Variants in PRORP observed in about 807,000 individuals in gnomAD.
The protein encoded by PRORP is mitochondrial ribonuclease P catalytic subunit.
In PRORP, 51 loss-of-function variants were observed where a neutral mutation model predicts 59.4. The ratio of observed to expected loss-of-function variants is 0.86; its 90% CI spans 0.69 to 1.08. PRORP has a LOEUF of 1.08. PRORP is among the 50% of genes least tolerant of loss of function. The pLI is 0.00. For synonymous variants in PRORP, 231 were observed against 245.6 expected (o/e 0.94, Z 0.55); for missense variants, 646 against 690.3 (o/e 0.94, Z 0.72).
At chr14:35,140,524 A>G (rs569176923) in intron 4 of PRORP, among the ~76,000 whole-genome samples, 31 of 145,656 alleles carry the variant, frequency 2.1e-4, no homozygotes, top group African/African-American at 7.1e-4. Context: ...TTTTTTGCCT[A>G]TTTTAAAAAT....
chr14:35,124,871 CTTT>C (rs576855221), intron 2 of PRORP, among the ~76,000 whole-genome samples: 3 of 139,374 alleles, frequency 2.2e-5, no homozygotes, highest in African/African-American at 2.6e-5. Flanking sequence ...TACTCTCTCC[CTTT>C]TTTTTTTTTT....
intron 5 of PRORP, among the ~76,000 whole-genome samples, chr14:35,190,866 A>G (rs745870094): frequency 8.5e-5 from 13 of 152,202 alleles, no homozygotes; most frequent in Non-Finnish European, 1.9e-4. Context: ...TTTATATAGC[A>G]CTTGAACCAA....
Position 35,215,951 on chromosome 14 carries a change from G to C in PRORP, c.1275+35174G>C, listed in dbSNP as rs1438016044. Reference sequence around the variant, plus strand: ...CTGGCTAATTTTTGTATTTTTAGTAGAGACCGGGTTTCACCACGTTGGCCA... The same window carrying C: ...CTGGCTAATTTTTGTATTTTTAGTACAGACCGGGTTTCACCACGTTGGCCA... On this transcript the variant is annotated intron_variant, in intron 5 of 7. Coordinates refer to ENST00000534898, the MANE Select transcript of PRORP (RefSeq NM_014672.4). Among the ~76,000 whole-genome samples the C allele has an allele frequency of 2.6e-5, 4 of 151,748 alleles. No homozygotes were observed. The South Asian group carries it at 6.2e-4, about 24-fold the overall frequency.
intron 4 of PRORP, among the ~76,000 whole-genome samples, chr14:35,170,006 T>C (rs35067787): frequency 6.6e-6 from 1 of 152,232 alleles, no homozygotes; most frequent in East Asian, 1.9e-4. Flanking sequence ...AGCTCTATTG[T>C]TATTTATGAT....
At chr14:35,226,140 T>A (rs959030549) in intron 5 of PRORP, among the ~76,000 whole-genome samples, 4 of 152,232 alleles carry the variant, frequency 2.6e-5, no homozygotes, top group South Asian at 2.1e-4. Context: ...TGTGCCATGA[T>A]GTTTCTCAAA....
chr14:35,214,475 AG>A (rs951636919), intron 5 of PRORP, among the ~76,000 whole-genome samples: 2 of 152,226 alleles, frequency 1.3e-5, no homozygotes, highest in African/African-American at 4.8e-5. Context: ...ATGTATTATT[AG>A]TAGACAAATG....
At chr14:35,192,901 G>A (rs2048917983) in intron 5 of PRORP, among the ~76,000 whole-genome samples, 1 of 151,846 alleles carries the variant, frequency 6.6e-6, no homozygotes, top group Non-Finnish European at 1.5e-5. Context: ...GACTGAGGCA[G>A]GAGAATCGCT....
chr14:35,145,462 C>A (rs1417686731), intron 4 of PRORP, among the ~76,000 whole-genome samples: 1 of 143,282 alleles, frequency 7.0e-6, no homozygotes, highest in Non-Finnish European at 1.5e-5. Flanking sequence ...TGGCTCACGC[C>A]TGTAATCTCA....
chr14:35,259,043 A>G (rs938342513), intron 5 of PRORP, among the ~76,000 whole-genome samples: 1 of 152,188 alleles, frequency 6.6e-6, no homozygotes, highest in Non-Finnish European at 1.5e-5. Flanking sequence ...TTGTTGAGAG[A>G]GGAGTGTTGA....
chr14:35,221,296 A>G lies in PRORP; in HGVS notation c.1275+40519A>G, dbSNP rs144173726. Among the ~76,000 whole-genome samples, 115 of 152,354 alleles carry G rather than the reference A, an allele frequency of 7.5e-4. 1 individual carries two copies. The East Asian group carries it at 0.016, about 22-fold the overall frequency. On this transcript the variant is annotated intron_variant, in intron 5 of 7. Transcript: ENST00000534898. ...TTAATGCATTGTTTATTAAAATCAT[A>G]ATTGATGCAAAAAAATCCATGATGA... is the stretch of plus-strand genomic sequence containing the variant.
At chr14:35,225,679 T>G (rs897870190) in intron 5 of PRORP, among the ~76,000 whole-genome samples, 3 of 152,106 alleles carry the variant, frequency 2.0e-5, no homozygotes, top group Non-Finnish European at 4.4e-5. Flanking sequence ...GTTTATGCTT[T>G]CTTTTTTGGT....
intron 5 of PRORP, among the ~76,000 whole-genome samples, chr14:35,250,117 G>A (rs770823426): frequency 2.6e-5 from 4 of 151,792 alleles, no homozygotes; most frequent in Admixed American, 1.3e-4. Context: ...GCATGGTGGC[G>A]CATGCCTGTG....
intron 6 of PRORP, 56 bp downstream of exon 6, chr14:35,266,931 GT>G: frequency 6.4e-7 from 1 of 1,567,472 alleles, no homozygotes. Context: ...CTATCTGCTT[GT>G]TAGTTACCTA....
intron 5 of PRORP, among the ~76,000 whole-genome samples, chr14:35,254,503 C>T (rs1259977585): frequency 2.6e-5 from 4 of 152,202 alleles, no homozygotes; most frequent in Admixed American, 2.6e-4. Context: ...AGCGATTCTC[C>T]TGCCTCAGCC....
In PRORP at chr14:35,198,959, G is replaced by A. The variant is rs187833006; in HGVS notation, c.1275+18182G>A. On this transcript the variant is annotated intron_variant, in intron 5 of 7. Coordinates refer to ENST00000534898, the MANE Select transcript of PRORP (RefSeq NM_014672.4). ...AGGCAGGTGGATCACCTGATGTCAG[G>A]AGTTTGAGACCAGCCTGACCAACAT... 2.0e-5 allele frequency among the ~76,000 whole-genome samples: 3 copies of A among 152,348 alleles called. No homozygotes were observed. In the East Asian group the frequency reaches 5.8e-4, roughly 29 times the overall value.
At chr14:35,251,131 A>G (rs2050602310) in intron 5 of PRORP, among the ~76,000 whole-genome samples, 1 of 152,186 alleles carries the variant, frequency 6.6e-6, no homozygotes, top group African/African-American at 2.4e-5. Flanking sequence ...TTGGTTTTCC[A>G]TTCCTGAGTT....
chr14:35,142,123 T>C (rs561513942), intron 4 of PRORP, among the ~76,000 whole-genome samples: 1 of 143,880 alleles, frequency 7.0e-6, no homozygotes, highest in African/African-American at 2.4e-5. Context: ...AGCTGATCCA[T>C]CCGCCTCGGC....
chr14:35,256,298 A>AG (rs1171784448), intron 5 of PRORP, among the ~76,000 whole-genome samples: 1 of 147,586 alleles, frequency 6.8e-6, no homozygotes, highest in African/African-American at 2.5e-5. Flanking sequence ...TCTCAAAAAA[A>AG]AAAAAAGAAA....
chr14:35,129,647 T>A (rs897167310), intron 4 of PRORP, among the ~76,000 whole-genome samples: 1 of 151,852 alleles, frequency 6.6e-6, no homozygotes, highest in South Asian at 2.1e-4. Flanking sequence ...GCAAATTTTT[T>A]TTTTTGTATT....
Sources: allele counts gnomAD v4.1 joint callset (sites outside exome capture counted in the v4.1 genomes callset), GRCh38; gene constraint gnomAD v4.1.1; transcripts MANE v1.5; gene names NCBI Gene and HGNC (gene_info 2026-07-23, HGNC 2026-07-21).